Variants in CLSTN2 observed in about 807,000 individuals in gnomAD.
CLSTN2 encodes calsyntenin 2.
A neutral mutation model predicts 101.2 loss-of-function variants in CLSTN2; 48 were observed. That is an observed-to-expected ratio of 0.47 (90% CI 0.38 to 0.60). The LOEUF is 0.60. CLSTN2 is among the 20% of genes least tolerant of loss of function. The pLI is 0.00. For synonymous variants in CLSTN2, 481 were observed against 463.6 expected (o/e 1.04, Z -0.48); for missense variants, 1,160 against 1,238.2 (o/e 0.94, Z 0.95).
At chr3:140,400,159 T>A (rs1195019665) in intron 2 of CLSTN2, among the ~76,000 whole-genome samples, 1 of 152,190 alleles carries the variant, frequency 6.6e-6, no homozygotes, top group Non-Finnish European at 1.5e-5. Flanking sequence ...AAAGGGGAAG[T>A]GTGGCCTCTT....
At chr3:140,464,955 G>A (rs1231718833) in intron 7 of CLSTN2, among the ~76,000 whole-genome samples, 7 of 152,280 alleles carry the variant, frequency 4.6e-5, no homozygotes, top group Middle Eastern at 6.8e-3. Flanking sequence ...GCACTACTTC[G>A]TTGTGTTGCC....
chr3:140,259,961 G>C (rs898066810), intron 2 of CLSTN2, among the ~76,000 whole-genome samples: 2 of 151,760 alleles, frequency 1.3e-5, no homozygotes, highest in Non-Finnish European at 2.9e-5. Flanking sequence ...GACACCAGGA[G>C]CCTACTTGAG....
chr3:140,022,828 G>GC (rs1428039065), intron 1 of CLSTN2, among the ~76,000 whole-genome samples: 1 of 152,190 alleles, frequency 6.6e-6, no homozygotes, highest in African/African-American at 2.4e-5. Context: ...TAAGGCATGA[G>GC]CCTCTCCAGA....
At chr3:140,548,432 A>G (rs1935644061) in intron 10 of CLSTN2, among the ~76,000 whole-genome samples, 1 of 152,230 alleles carries the variant, frequency 6.6e-6, no homozygotes, top group Admixed American at 6.5e-5. Flanking sequence ...GTAAGATCCC[A>G]GAGTTAGTGA....
At chr3:139,997,312 A>T (rs1266165265) in intron 1 of CLSTN2, among the ~76,000 whole-genome samples, 2 of 148,172 alleles carry the variant, frequency 1.3e-5, no homozygotes, top group African/African-American at 2.5e-5. Context: ...ATTTTATTGC[A>T]GTAATTTTCT....
intron 1 of CLSTN2, among the ~76,000 whole-genome samples, chr3:140,047,069 T>G (rs1255683890): frequency 6.6e-6 from 1 of 152,078 alleles, no homozygotes; most frequent in Non-Finnish European, 1.5e-5. Context: ...CCACCAAGAT[T>G]GCTAGCATTG....
At chr3:140,183,350 G>T (rs1402887849) in intron 2 of CLSTN2, among the ~76,000 whole-genome samples, 2 of 152,148 alleles carry the variant, frequency 1.3e-5, no homozygotes, top group Non-Finnish European at 2.9e-5. Context: ...GCCCAAACCA[G>T]GAAGGTCCTC....
chr3:140,427,229 GTA>G (rs1273847419), intron 5 of CLSTN2, among the ~76,000 whole-genome samples: 2,013 of 72,616 alleles, frequency 0.028, 231 homozygotes, highest in African/African-American at 0.13. Context: ...ATATATGTGT[GTA>G]TATATATATA....
intron 2 of CLSTN2, among the ~76,000 whole-genome samples, chr3:140,289,328 G>GTTTT (rs60116021): frequency 1.3e-4 from 20 of 150,446 alleles, no homozygotes; most frequent in South Asian, 2.1e-4. Flanking sequence ...ATGGTTTTGT[G>GTTTT]TTTTTTTTTG....
At chr3:140,417,677 C>A (rs1261826953) in intron 4 of CLSTN2, among the ~76,000 whole-genome samples, 2 of 152,166 alleles carry the variant, frequency 1.3e-5, no homozygotes, top group African/African-American at 4.8e-5. Flanking sequence ...GGGATTAGGT[C>A]TCCTGAGAAG....
At position 140,175,942 on chromosome 3, in the gene CLSTN2, A is replaced by G; in HGVS notation, c.110-9A>G. On this transcript the variant is annotated splice_polypyrimidine_tract_variant and intron_variant, in intron 1 of 16. Coordinates refer to ENST00000458420, the MANE Select transcript of CLSTN2 (RefSeq NM_022131.3). ...TGATCCTTTTTGTTTTTTCCCCCTTATTTTCTAGTCAATAAGCACAAGCCA... is the reference window on the plus strand; with the variant it reads ...TGATCCTTTTTGTTTTTTCCCCCTTGTTTTCTAGTCAATAAGCACAAGCCA... 1.2e-6 allele frequency: 2 copies of G among 1,603,900 alleles called. No homozygotes were observed. The highest frequency in any genetic ancestry group is 1.7e-6 in the Non-Finnish European group (2 of 1,174,646).
chr3:140,414,925 CTA>C, intron 4 of CLSTN2, among the ~76,000 whole-genome samples: 1 of 151,774 alleles, frequency 6.6e-6, no homozygotes, highest in East Asian at 1.9e-4. Context: ...TGATTTCAAA[CTA>C]TAAAACTATA....
At chr3:140,175,929 T>G in intron 1 of CLSTN2, 22 bp from the exon 2 acceptor site, 3 of 1,603,322 alleles carry the variant, frequency 1.9e-6, no homozygotes, top group African/African-American at 2.7e-5. Flanking sequence ...ATCCTTTTTG[T>G]TTTTTCCCCC....
intron 11 of CLSTN2, chr3:140,556,965 C>A: frequency 3.3e-6 from 1 of 306,060 alleles, no homozygotes; most frequent in Non-Finnish European, 6.1e-6. Flanking sequence ...TCTGGGTGTG[C>A]GTTTGAAGTG....
intron 1 of CLSTN2, among the ~76,000 whole-genome samples, chr3:140,160,527 G>A (rs1344138151): frequency 6.6e-6 from 1 of 152,068 alleles, no homozygotes; most frequent in Non-Finnish European, 1.5e-5. Context: ...CAATTTCATG[G>A]AATTCTATAG....
intron 1 of CLSTN2, among the ~76,000 whole-genome samples, chr3:140,165,394 G>A (rs1286340377): frequency 6.6e-6 from 1 of 152,192 alleles, no homozygotes; most frequent in Non-Finnish European, 1.5e-5. Flanking sequence ...CACTGTGTTA[G>A]GAACTGTAGA....
chr3:140,008,181 T>C (rs1355814481), intron 1 of CLSTN2, among the ~76,000 whole-genome samples: 1 of 152,184 alleles, frequency 6.6e-6, no homozygotes, highest in Non-Finnish European at 1.5e-5. Flanking sequence ...GGTGATGACA[T>C]CTCTTCTTTC....
At chr3:140,021,365 T>C (rs981311325) in intron 1 of CLSTN2, among the ~76,000 whole-genome samples, 1 of 152,174 alleles carries the variant, frequency 6.6e-6, no homozygotes, top group Admixed American at 6.5e-5. Flanking sequence ...GTGCCAGTGA[T>C]GGACTGAAAG....
At chr3:140,091,196 T>C (rs1029405936) in intron 1 of CLSTN2, among the ~76,000 whole-genome samples, 20 of 152,136 alleles carry the variant, frequency 1.3e-4, no homozygotes, top group African/African-American at 4.8e-4. Flanking sequence ...GGATAATCAG[T>C]GCTTGATAAA....
Sources: allele counts gnomAD v4.1 joint callset (sites outside exome capture counted in the v4.1 genomes callset), GRCh38; gene constraint gnomAD v4.1.1; transcripts MANE v1.5; gene names NCBI Gene and HGNC (gene_info 2026-07-23, HGNC 2026-07-21).